Variants in RGL3 observed in about 807,000 individuals in gnomAD.
The protein encoded by RGL3 is ral guanine nucleotide dissociation stimulator-like 3.
A neutral mutation model predicts 90.6 loss-of-function variants in RGL3; 85 were observed. The ratio of observed to expected loss-of-function variants is 0.94; its 90% CI spans 0.79 to 1.12. The LOEUF (loss-of-function observed/expected upper bound fraction) is 1.12, where lower values mean the gene tolerates loss of function less well. Ranked by LOEUF, RGL3 falls within the 50% of genes most tolerant of loss-of-function variation. The probability of loss-of-function intolerance (pLI) is 0.00; values close to 1 mark genes in which losing one functional copy is unlikely to be tolerated. For missense variants in RGL3, 1,034 were observed against 939.2 expected (o/e 1.10, Z -1.32); for synonymous variants, 408 against 385.5 (o/e 1.06, Z -0.68).
At position 11,400,268 on chromosome 19, in the gene RGL3, G is replaced by A. The variant is rs748616435; in HGVS notation, c.1514C>T (p.Pro505Leu). 6.3e-7 allele frequency: 1 copy of A among 1,599,354 alleles called. No homozygotes were observed. The highest frequency in any genetic ancestry group is 2.3e-5 in the East Asian group (1 of 44,204). Residue 505 changes from proline to leucine, a missense_variant, in exon 14 of 19, where the codon CCA becomes CTA. Transcript: ENST00000380456. ...SYRLSRVIEP[P>L]AASCPSSPRI... Reference sequence around the variant, plus strand: ...TGGGGAGCTGGGGCAGGAGGCAGCTGGTGGCTCAATGACCCGGGAGAGCCG... The same window carrying A: ...TGGGGAGCTGGGGCAGGAGGCAGCTAGTGGCTCAATGACCCGGGAGAGCCG...
chr19:11,417,809 C>T (rs1027819235), intron 2 of RGL3, among the ~76,000 whole-genome samples: 2 of 152,004 alleles, frequency 1.3e-5, no homozygotes, highest in Non-Finnish European at 2.9e-5. Context: ...TGTCTCCCGG[C>T]TTCTTGGAGT....
chr19:11,402,773 G>GCGGT, intron 9 of RGL3, 67 bp from the exon 10 acceptor site: 1 of 1,375,362 alleles, frequency 7.3e-7, no homozygotes, highest in South Asian at 1.2e-5. Flanking sequence ...AACGATGCCT[G>GCGGT]CAGACCCATC....
At chr19:11,399,009 C>T (rs1413279662) in intron 16 of RGL3, among the ~76,000 whole-genome samples, 2 of 152,056 alleles carry the variant, frequency 1.3e-5, no homozygotes, top group Non-Finnish European at 2.9e-5. Flanking sequence ...ATCATGCAGG[C>T]TAGAGTGCCG....
At chr19:11,397,197 G>C in intron 18 of RGL3, 47 bp downstream of exon 18, 1 of 1,530,392 alleles carries the variant, frequency 6.5e-7, no homozygotes. Context: ...CAGTCTGCTC[G>C]CCTCCCCGCT....
rs1441040986 is a variant in RGL3, at chr19:11,407,748, G to A, written c.638-884C>T. On this transcript the variant is annotated intron_variant, in intron 5 of 18. Coordinates refer to ENST00000380456, the MANE Select transcript of RGL3 (RefSeq NM_001035223.4). Reference sequence around the variant, plus strand: ...GTCGCCCAGGCTGGAATGCAATGGCGTGATCTTGGCTCACTGCAACCTCCG... The same window carrying A: ...GTCGCCCAGGCTGGAATGCAATGGCATGATCTTGGCTCACTGCAACCTCCG... Among the ~76,000 whole-genome samples the A allele has an allele frequency of 6.1e-4, 92 of 150,530 alleles. 2 individuals carry two copies. Among genetic ancestry groups the A allele is most frequent in the Admixed American group, 1.4e-3 (21 of 15,042 alleles).
intron 16 of RGL3, 34 bp from the exon 17 acceptor site, chr19:11,397,631 G>A (rs1968601501): frequency 1.3e-6 from 2 of 1,493,280 alleles, no homozygotes; most frequent in Non-Finnish European, 1.8e-6. Context: ...CTACAGCTTG[G>A]CCCATCTGCA....
At chr19:11,404,706 G>T (rs574622797) in intron 9 of RGL3, among the ~76,000 whole-genome samples, 1 of 152,238 alleles carries the variant, frequency 6.6e-6, no homozygotes, top group East Asian at 1.9e-4. Context: ...TGGAGGGGTG[G>T]AGAATGTTCC....
chr19:11,414,165 A>ACACACC (rs1283038865), intron 5 of RGL3, among the ~76,000 whole-genome samples: 1 of 111,248 alleles, frequency 9.0e-6, no homozygotes, highest in African/African-American at 3.9e-5. Flanking sequence ...ATATATATAT[A>ACACACC]TATATATATA....
chr19:11,400,275 C>G lies in RGL3; in HGVS notation c.1507G>C (p.Glu503Gln). 6.3e-7 allele frequency: 1 copy of G among 1,594,034 alleles called. No homozygotes were observed. The highest frequency in any genetic ancestry group is 8.5e-7 in the Non-Finnish European group (1 of 1,170,068). Residue 503 changes from glutamate (E) to glutamine (Q), a missense_variant, in exon 14 of 19, where the codon GAG (glutamate) becomes CAG (glutamine). Transcript: ENST00000380456. ...EQSYRLSRVI[E>Q]PPAASCPSSP... ...CTGGGGCAGGAGGCAGCTGGTGGCTCAATGACCCGGGAGAGCCGGTAGCTG... is the reference window on the plus strand; with the variant it reads ...CTGGGGCAGGAGGCAGCTGGTGGCTGAATGACCCGGGAGAGCCGGTAGCTG...
intron 5 of RGL3, 142 bp from the exon 6 acceptor site, chr19:11,407,006 G>A: frequency 1.5e-6 from 1 of 675,618 alleles, no homozygotes; most frequent in Non-Finnish European, 2.3e-6. Context: ...TTTTTTTTTT[G>A]AGACAGTCTT....
At position 11,407,647 on chromosome 19, in the gene RGL3, C is replaced by T. The variant is rs565501122; in HGVS notation, c.638-783G>A. On this transcript the variant is annotated intron_variant, in intron 5 of 18. Coordinates refer to ENST00000380456, the MANE Select transcript of RGL3 (RefSeq NM_001035223.4). Reference sequence around the variant, plus strand: ...TCAAACTCAGATGCAAACTCGTCCACTAGCTTGCTGTGTAGAGCATGTATT... The same window carrying T: ...TCAAACTCAGATGCAAACTCGTCCATTAGCTTGCTGTGTAGAGCATGTATT... Among the ~76,000 whole-genome samples the T allele has an allele frequency of 6.0e-4, 90 of 150,920 alleles. 1 individual carries two copies. The highest frequency in any genetic ancestry group is 1.3e-3 in the South Asian group (6 of 4,768).
chr19:11,409,733 G>T (rs544586996), intron 5 of RGL3, among the ~76,000 whole-genome samples: 1 of 152,116 alleles, frequency 6.6e-6, no homozygotes, highest in Non-Finnish European at 1.5e-5. Context: ...CCTCCTGTGC[G>T]TTCGTTGGTG....
At position 11,405,360 on chromosome 19, in the gene RGL3, T is replaced by C. The variant is rs1291440637; in HGVS notation, c.1063A>G (p.Ile355Val). 2 of 1,612,474 alleles carry C rather than the reference T, an allele frequency of 1.2e-6. No individual in the cohort carries two copies. Among genetic ancestry groups the C allele is most frequent in the Admixed American group, 1.7e-5 (1 of 59,572 alleles). Residue 355 changes from isoleucine (I) to valine (V), a missense_variant, in exon 8 of 19, where the codon ATC (isoleucine) becomes GTC (valine). Physicochemically the swap from Ile to Val is conservative, Grantham distance 29 (BLOSUM62 3). Transcript: ENST00000380456. ...AILSALQSNPIYRLKRSWGAV... is the reference protein window; with the variant it reads ...AILSALQSNPVYRLKRSWGAV... ...CCCCAGCTGCGCTTGAGCCGGTAGA[T>C]GGGGTTAGATTGCAGGGCGGACAGG...
rs1221367526 is a variant in RGL3 at position 11,405,855 on chromosome 19, C to G, written c.997-429G>C. On this transcript the variant is annotated intron_variant, in intron 7 of 18. Coordinates refer to ENST00000380456, the MANE Select transcript of RGL3 (RefSeq NM_001035223.4). ...GGATTACAGGGGCACACCACCACAC[C>G]CGGCTAATTTTTTTGTAAGTCTCAT... Among the ~76,000 whole-genome samples the G allele has an allele frequency of 7.3e-5, 11 of 151,238 alleles. No homozygotes were observed. In the East Asian group the frequency reaches 2.1e-3, roughly 29 times the overall value.
intron 5 of RGL3, among the ~76,000 whole-genome samples, chr19:11,414,482 TAC>T (rs1555720212): frequency 1.0e-4 from 9 of 87,348 alleles, no homozygotes; most frequent in East Asian, 3.0e-4. Context: ...TATATATATA[TAC>T]ACCTTCATAT....
At chr19:11,398,454 T>C (rs997757632) in intron 16 of RGL3, among the ~76,000 whole-genome samples, 15 of 152,074 alleles carry the variant, frequency 9.9e-5, no homozygotes, top group African/African-American at 3.6e-4. Context: ...CAAGCAATTC[T>C]CATGCCTCAC....
intron 18 of RGL3, among the ~76,000 whole-genome samples, chr19:11,396,128 CTCTCTCTCTA>C (rs1161175003): frequency 1.3e-4 from 7 of 54,898 alleles, no homozygotes; most frequent in African/African-American, 3.3e-4. Context: ...CTCTCTCTCT[CTCTCTCTCTA>C]TATATATATA....
intron 9 of RGL3, among the ~76,000 whole-genome samples, chr19:11,404,854 A>AT (rs1012678671): frequency 3.3e-5 from 5 of 151,984 alleles, no homozygotes; most frequent in African/African-American, 1.2e-4. Context: ...TCCTCAGAAC[A>AT]TTTTTTTTGT....
chr19:11,416,775 A>AG (rs761315700), intron 3 of RGL3, 61 bp downstream of exon 3: 2 of 1,599,068 alleles, frequency 1.3e-6, no homozygotes, highest in African/African-American at 1.3e-5. Flanking sequence ...GAGGAGGTGG[A>AG]GGGGGGTGCC....
Sources: allele counts gnomAD v4.1 joint callset (sites outside exome capture counted in the v4.1 genomes callset), GRCh38; gene constraint gnomAD v4.1.1; transcripts MANE v1.5; gene names NCBI Gene and HGNC (gene_info 2026-07-23, HGNC 2026-07-21).